PRR12: variants seen among roughly 807,000 people sequenced by gnomAD.
The protein encoded by PRR12 is proline rich 12.
A neutral mutation model predicts 138.0 loss-of-function variants in PRR12; 12 were observed. That is an observed-to-expected ratio of 0.09 (90% confidence interval 0.06 to 0.14). PRR12 has a LOEUF of 0.14. PRR12 is among the 10% of genes least tolerant of loss of function. The pLI is 1.00. For synonymous variants in PRR12, 1,567 were observed against 1,291.7 expected (o/e 1.21, Z -4.57); for missense variants, 2,692 against 2,861.3 (o/e 0.94, Z 1.35).
chr19:49,620,496 AGGAGGG>A lies in PRR12; in HGVS notation c.5623+22_5623+27del. The stretch of plus-strand genomic sequence containing the variant: ...ACGCATGGTGAGCTGAGGCCTGGGG[AGGAGGG>A]GGGGGGGCTGACTCGGTCTGAGGGA... On this transcript the variant is annotated intron_variant, in intron 10 of 13. Transcript: ENST00000418929. 1 of 1,469,558 alleles carries A rather than the reference AGGAGGG, an allele frequency of 6.8e-7. No homozygotes were observed. The highest frequency in any genetic ancestry group is 9.2e-7 in the Non-Finnish European group (1 of 1,084,412). The allele number at this position is 1,469,558 out of a possible 1,614,324, so 91.0% of individuals were successfully genotyped here.
At chr19:49,591,801 G>T in intron 1 of PRR12, 61 bp downstream of exon 1, 3 of 957,600 alleles carry the variant, frequency 3.1e-6, no homozygotes, top group Non-Finnish European at 2.8e-6. Flanking sequence ...GCCGGGCCGG[G>T]CCGGGCCGGG....
chr19:49,592,978 G>T (rs1296936379), intron 1 of PRR12, among the ~76,000 whole-genome samples: 1 of 152,060 alleles, frequency 6.6e-6, no homozygotes, highest in Non-Finnish European at 1.5e-5. Context: ...GGGCTGGGGG[G>T]GGTTTGTGGG....
chr19:49,595,434 G>A lies in PRR12; in HGVS notation c.1099G>A (p.Ala367Thr), dbSNP rs984401980. The A allele has an allele frequency of 1.3e-6, 2 of 1,545,960 alleles. No homozygotes were observed. The highest frequency in any genetic ancestry group is 1.4e-5 in the African/African-American group (1 of 72,918). Residue 367 changes from alanine to threonine, a missense_variant, in exon 4 of 14, where the codon GCA (alanine) becomes ACA (threonine). This residue lies in a region of PRR12 where 523 missense variants were observed against 496.4 expected (regional missense o/e 1.05). Transcript: ENST00000418929. ...ATCTGGCCGGGCCACGGGCCCTGAG[G>A]CAGCAGGGGGCGGTGGGGCTGGGGG... ...GASGRATGPE[A>T]AGGGGAGGGG... is the part of the protein sequence containing the mutation.
Position 49,597,458 on chromosome 19 carries a change from CCCGCCTCCG to C in PRR12, c.3126_3134del (p.Pro1047_Pro1049del), listed in dbSNP as rs2080781224. 1.3e-6 allele frequency: 2 copies of C among 1,541,246 alleles called. No homozygotes were observed. Among genetic ancestry groups the C allele is most frequent in the Admixed American group, 3.9e-5 (2 of 50,900 alleles). On this transcript the variant is annotated inframe_deletion, in exon 4 of 14. Transcript: ENST00000418929. This position sits in a 1 kb window ranked among gnomAD's most constrained non-coding sequence, Gnocchi z 6.3. ...GCCCCCACCAGGCGGCGCCACCACC[CCCGCCTCCG>C]CCACCGCCGCCTCCCGCGCCGGCCT...
At chr19:49,615,139 GGGGGAC>G in intron 8 of PRR12, 130 bp downstream of exon 8, 1 of 1,349,490 alleles carries the variant, frequency 7.4e-7, no homozygotes, top group Non-Finnish European at 1.0e-6. Flanking sequence ...CAGAGAGAGA[GGGGGAC>G]AGAGACCCGG....
intron 6 of PRR12, among the ~76,000 whole-genome samples, chr19:49,608,814 T>G (rs774295277): frequency 6.6e-6 from 1 of 151,420 alleles, no homozygotes; most frequent in Non-Finnish European, 1.5e-5. Flanking sequence ...CACTCCAGCC[T>G]GGGTGACAGT....
At chr19:49,607,902 C>T (rs1461587173) in intron 6 of PRR12, among the ~76,000 whole-genome samples, 3 of 151,684 alleles carry the variant, frequency 2.0e-5, no homozygotes, top group African/African-American at 7.3e-5. Flanking sequence ...ACCTGTAATC[C>T]CAGCTACTCA....
In PRR12 at chr19:49,610,760, A is replaced by G. The variant is rs146911457; in HGVS notation, c.4774-3773A>G. 3.6e-3 allele frequency among the ~76,000 whole-genome samples: 542 copies of G among 149,498 alleles called. 3 individuals carry two copies. The highest frequency in any genetic ancestry group is 0.012 in the African/African-American group (501 of 40,510). ...GGGTTTCACCATGTTAGCCAGGATG[A>G]TCTCGATCTCCTGACCTCGTGATCC... On this transcript the variant is annotated intron_variant, in intron 6 of 13. Coordinates refer to ENST00000418929, the MANE Select transcript of PRR12 (RefSeq NM_020719.3).
In PRR12 at chr19:49,599,219, G is replaced by GGACTGGGGGCCCAGGC; in HGVS notation, c.3679-52_3679-37dup. On this transcript the variant is annotated intron_variant, in intron 4 of 13. Transcript: ENST00000418929. This position sits in a 1 kb window ranked among gnomAD's most constrained non-coding sequence, Gnocchi z 5.0. ...GATTTTTGGGGGCTGAGGGAGGATG[G>GGACTGGGGGCCCAGGC]GACTGGGGGCCCAGGCTACTGGGCC... The GGACTGGGGGCCCAGGC allele has an allele frequency of 6.7e-7, 1 of 1,486,418 alleles. No homozygotes were observed. Among genetic ancestry groups the GGACTGGGGGCCCAGGC allele is most frequent in the Admixed American group, 2.4e-5 (1 of 42,284 alleles). The allele number at this position is 1,486,418 out of a possible 1,614,324, so 92.1% of individuals were successfully genotyped here. A position where few individuals can be genotyped will look rare whatever the true frequency, so the allele number is the denominator to read the frequency against.
chr19:49,622,155 C>T (rs963355083), intron 11 of PRR12, among the ~76,000 whole-genome samples: 3 of 152,132 alleles, frequency 2.0e-5, no homozygotes, highest in African/African-American at 7.2e-5. Flanking sequence ...GAATGTTATT[C>T]TGGCTTTGAG....
In PRR12 at chr19:49,594,383, T is replaced by G; in HGVS notation, c.200-71T>G. 1 of 1,440,154 alleles carries G rather than the reference T, an allele frequency of 6.9e-7. No homozygotes were observed. The highest frequency in any genetic ancestry group is 1.4e-5 in the South Asian group (1 of 71,572). The allele number at this position is 1,440,154 out of a possible 1,614,324, so 89.2% of individuals were successfully genotyped here. On this transcript the variant is annotated intron_variant, in intron 2 of 13. Coordinates refer to ENST00000418929, the MANE Select transcript of PRR12 (RefSeq NM_020719.3). The surrounding 1 kb of genome is among the most constrained non-coding windows in gnomAD (Gnocchi z 5.6). ...TTCCTGATCCAACTTGCTTTTGGCC[T>G]CTTCCCTTTCTCTCTTGACTGTATC...
rs182454288 is a variant in PRR12 at position 49,613,492 on chromosome 19, C to T, written c.4774-1041C>T. Reference sequence around the variant, plus strand: ...CCTCAAGGTCACATGCTCAGTGTGACTCACGTCCATCAGTTGCCATCGCCC... The same window carrying T: ...CCTCAAGGTCACATGCTCAGTGTGATTCACGTCCATCAGTTGCCATCGCCC... On this transcript the variant is annotated intron_variant, in intron 6 of 13. Coordinates refer to ENST00000418929, the MANE Select transcript of PRR12 (RefSeq NM_020719.3). 2.3e-4 allele frequency among the ~76,000 whole-genome samples: 35 copies of T among 152,356 alleles called. No homozygotes were observed. In the East Asian group the frequency reaches 2.9e-3, roughly 13 times the overall value.
At chr19:49,610,476 C>G (rs1408421305) in intron 6 of PRR12, among the ~76,000 whole-genome samples, 1 of 151,884 alleles carries the variant, frequency 6.6e-6, no homozygotes, top group Non-Finnish European at 1.5e-5. Flanking sequence ...AATCCCAACA[C>G]ATTGCGGCCT....
At position 49,614,773 on chromosome 19, in the gene PRR12, G is replaced by A. The variant is rs761114906; in HGVS notation, c.4891-103G>A. 1,707 of 1,553,898 alleles carry A rather than the reference G, an allele frequency of 1.1e-3. 2 individuals are homozygous for A. The highest frequency in any genetic ancestry group is 1.4e-3 in the Non-Finnish European group (1,617 of 1,137,076). On this transcript the variant is annotated intron_variant, in intron 7 of 13. Transcript: ENST00000418929. The surrounding 1 kb of genome is among the most constrained non-coding windows in gnomAD (Gnocchi z 5.0). ...ATCTGGAAGGGGGCCCCCTGCTGCC[G>A]GCAGGCTCCAAGCAGCTGCCATGGT... is the stretch of plus-strand genomic sequence containing the variant.
At chr19:49,593,509 G>GA in intron 2 of PRR12, 70 bp downstream of exon 2, 1 of 711,724 alleles carries the variant, frequency 1.4e-6, no homozygotes, top group South Asian at 1.5e-5. Flanking sequence ...ATTGGCTGTT[G>GA]AAAGTTCCGC....
rs2080883923 is a variant in PRR12, at chr19:49,614,976, G to A, written c.4991G>A (p.Arg1664Gln). ...NKKDYVRVCA[R>Q]KPWHRPPVPV... ...AAGGACTACGTGAGGGTCTGTGCTCGGAAACCCTGGCATCGGCCCCCAGTG... is the reference window on the plus strand; with the variant it reads ...AAGGACTACGTGAGGGTCTGTGCTCAGAAACCCTGGCATCGGCCCCCAGTG... The change falls in exon 8 of 14, where the codon CGG (arginine) becomes CAG (glutamine). Residue 1664 changes from arginine (R) to glutamine (Q), a missense_variant. By Grantham distance (43) the Arg-to-Gln change is conservative. Coordinates refer to ENST00000418929, the MANE Select transcript of PRR12 (RefSeq NM_020719.3). The surrounding 1 kb of genome is among the most constrained non-coding windows in gnomAD (Gnocchi z 5.0). 3 of 1,613,988 alleles carry A rather than the reference G, an allele frequency of 1.9e-6. No individual in the cohort carries two copies. Among genetic ancestry groups the A allele is most frequent in the Non-Finnish European group, 2.5e-6 (3 of 1,179,890 alleles).
In PRR12 at chr19:49,615,734, T is replaced by C; in HGVS notation, c.5025-13T>C. 1 of 1,608,400 alleles carries C rather than the reference T, an allele frequency of 6.2e-7. No homozygotes were observed. Among genetic ancestry groups the C allele is most frequent in the Non-Finnish European group, 8.5e-7 (1 of 1,176,598 alleles). ...GGGCTGCTGACTACAGTCCCTTCTC[T>C]GTTCCCTTCTAGACGCTCTGGGCAG... On this transcript the variant is annotated splice_polypyrimidine_tract_variant and intron_variant, in intron 8 of 13. Transcript: ENST00000418929.
rs1233503322 is a variant in PRR12, at chr19:49,626,273, T to A, written c.*666T>A. The A allele has an allele frequency of 6.6e-6, 1 of 152,018 alleles. No individual in the cohort carries two copies. The allele number at this position is 152,018 out of a possible 1,614,324, so 9.4% of individuals were successfully genotyped here. A position where few individuals can be genotyped will look rare whatever the true frequency, so the allele number is the denominator to read the frequency against. On this transcript the variant is annotated 3_prime_UTR_variant, in exon 14 of 14. Transcript: ENST00000418929. The stretch of plus-strand genomic sequence containing the variant: ...CCCCATTGTTGTCTGGATGTGGTTC[T>A]ATTTTTTATCGGTCTCCTTTCCCCT...
intron 6 of PRR12, among the ~76,000 whole-genome samples, chr19:49,610,997 C>G (rs1033813522): frequency 6.6e-6 from 1 of 151,382 alleles, no homozygotes; most frequent in African/African-American, 2.4e-5. Context: ...CATGCACCAT[C>G]ATGCCCGGCT....
Sources: allele counts gnomAD v4.1 joint callset (sites outside exome capture counted in the v4.1 genomes callset), GRCh38; gene constraint gnomAD v4.1.1; regional missense constraint gnomAD v4.1.1; non-coding constraint Gnocchi (gnomAD v3.1); transcripts MANE v1.5; gene names NCBI Gene and HGNC (gene_info 2026-07-23, HGNC 2026-07-21).